EEFSEC: variants seen among roughly 807,000 people sequenced by gnomAD.
EEFSEC encodes selenocysteine-specific elongation factor.
In EEFSEC, 43 loss-of-function variants were observed where a neutral mutation model predicts 42.1. The ratio of observed to expected loss-of-function variants is 1.02; its 90% CI spans 0.80 to 1.32. The LOEUF (loss-of-function observed/expected upper bound fraction) is 1.32, where lower values mean the gene tolerates loss of function less well. Ranked by LOEUF, EEFSEC falls within the 40% of genes most tolerant of loss-of-function variation. EEFSEC has a pLI of 0.00. For missense variants in EEFSEC, 745 were observed against 803.6 expected, an observed-to-expected ratio of 0.93 and a Z score of 0.88; for synonymous variants, 354 against 339.1, an observed-to-expected ratio of 1.04 and a Z score of -0.48.
intron 1 of EEFSEC, among the ~76,000 whole-genome samples, chr3:128,198,196 A>C (rs1377297895): frequency 6.6e-6 from 1 of 152,212 alleles, no homozygotes; most frequent in African/African-American, 2.4e-5. Flanking sequence ...TGCCTCCAGC[A>C]ATCATTTGAA....
intron 4 of EEFSEC, among the ~76,000 whole-genome samples, chr3:128,333,224 A>G (rs925052013): frequency 1.3e-5 from 2 of 152,242 alleles, no homozygotes; most frequent in African/African-American, 2.4e-5. Context: ...ATCTCTGCAC[A>G]TTAGAAAGGC....
intron 1 of EEFSEC, among the ~76,000 whole-genome samples, chr3:128,211,126 A>G (rs2065751461): frequency 6.6e-6 from 1 of 152,232 alleles, no homozygotes; most frequent in Non-Finnish European, 1.5e-5. Flanking sequence ...GTTTTGGAGG[A>G]CTAGAGATCA....
At chr3:128,333,649 G>A (rs1156395332) in intron 4 of EEFSEC, among the ~76,000 whole-genome samples, 4 of 152,068 alleles carry the variant, frequency 2.6e-5, no homozygotes, top group Admixed American at 1.3e-4. Flanking sequence ...CTTCCATATC[G>A]GCCCTGTGGT....
intron 4 of EEFSEC, among the ~76,000 whole-genome samples, chr3:128,319,180 A>T (rs2066980668): frequency 6.6e-6 from 1 of 151,842 alleles, no homozygotes; most frequent in African/African-American, 2.4e-5. Context: ...CCCCCCTCCA[A>T]CCCCTTGTCC....
At chr3:128,311,604 C>T (rs2066890792) in intron 4 of EEFSEC, among the ~76,000 whole-genome samples, 1 of 152,226 alleles carries the variant, frequency 6.6e-6, no homozygotes, top group Non-Finnish European at 1.5e-5. Flanking sequence ...TAGTTTGGTT[C>T]CCTGTCCAGC....
At chr3:128,173,983 A>G (rs1576517865) in intron 1 of EEFSEC, among the ~76,000 whole-genome samples, 2 of 152,298 alleles carry the variant, frequency 1.3e-5, no homozygotes, top group African/African-American at 4.8e-5. Flanking sequence ...GCATTCTCGC[A>G]CAGATAAGTG....
chr3:128,291,742 T>C (rs1055723282), intron 4 of EEFSEC, among the ~76,000 whole-genome samples: 1 of 152,242 alleles, frequency 6.6e-6, no homozygotes, highest in East Asian at 1.9e-4. Context: ...TTATGATATC[T>C]GGAAATAATT....
intron 1 of EEFSEC, among the ~76,000 whole-genome samples, chr3:128,226,201 G>GC (rs1411794743): frequency 6.6e-6 from 1 of 152,174 alleles, no homozygotes; most frequent in Non-Finnish European, 1.5e-5. Context: ...AGGCCCAGGA[G>GC]CTTGACGAAG....
chr3:128,162,873 G>T (rs1051841374), intron 1 of EEFSEC, among the ~76,000 whole-genome samples: 3 of 152,104 alleles, frequency 2.0e-5, no homozygotes, highest in African/African-American at 7.2e-5. Flanking sequence ...CACAGCTTTC[G>T]GTAAAGCTGT....
At chr3:128,255,930 G>A (rs2066237557) in intron 2 of EEFSEC, among the ~76,000 whole-genome samples, 2 of 152,062 alleles carry the variant, frequency 1.3e-5, no homozygotes, top group African/African-American at 4.8e-5. Flanking sequence ...TTCCCTTCAG[G>A]TGCCTCTTCT....
chr3:128,277,367 C>G (rs2066479452), intron 4 of EEFSEC, among the ~76,000 whole-genome samples: 1 of 152,272 alleles, frequency 6.6e-6, no homozygotes, highest in Non-Finnish European at 1.5e-5. Flanking sequence ...AAGGCACTTG[C>G]CTGCTTTTCT....
intron 4 of EEFSEC, among the ~76,000 whole-genome samples, chr3:128,293,298 T>C (rs571013184): frequency 1.3e-5 from 2 of 152,192 alleles, no homozygotes; most frequent in South Asian, 2.1e-4. Flanking sequence ...TGTGGATGCA[T>C]AGAGAATCAG....
intron 6 of EEFSEC, among the ~76,000 whole-genome samples, chr3:128,389,065 G>C (rs2067876455): frequency 6.6e-6 from 1 of 152,236 alleles, no homozygotes; most frequent in Non-Finnish European, 1.5e-5. Flanking sequence ...CCAGGCAAGG[G>C]AGCCGGTGTG....
intron 1 of EEFSEC, among the ~76,000 whole-genome samples, chr3:128,164,336 G>A (rs1300853979): frequency 1.3e-5 from 2 of 152,224 alleles, no homozygotes; most frequent in Non-Finnish European, 2.9e-5. Flanking sequence ...GATGTGGAGT[G>A]GTAAGGGCTT....
At chr3:128,185,623 A>G (rs867313394) in intron 1 of EEFSEC, among the ~76,000 whole-genome samples, 1 of 152,076 alleles carries the variant, frequency 6.6e-6, no homozygotes, top group Non-Finnish European at 1.5e-5. Context: ...GTGCAGTGGT[A>G]TGATCATAGC....
intron 4 of EEFSEC, among the ~76,000 whole-genome samples, chr3:128,321,152 G>C (rs2067003814): frequency 6.6e-6 from 1 of 152,198 alleles, no homozygotes; most frequent in Middle Eastern, 3.2e-3. Flanking sequence ...GGGAGAGGCA[G>C]GGTCAGGCAG....
At chr3:128,209,481 G>GT (rs1301086513) in intron 1 of EEFSEC, among the ~76,000 whole-genome samples, 1 of 152,194 alleles carries the variant, frequency 6.6e-6, no homozygotes, top group Admixed American at 6.5e-5. Flanking sequence ...TGGGTGCTAG[G>GT]TAAGGCTAGG....
chr3:128,401,370 G>A (rs754537680), intron 6 of EEFSEC, among the ~76,000 whole-genome samples: 34 of 152,342 alleles, frequency 2.2e-4, no homozygotes, highest in Admixed American at 1.5e-3. Context: ...CCCTGAGCCC[G>A]TGTGCTAGGC....
intron 4 of EEFSEC, among the ~76,000 whole-genome samples, chr3:128,268,212 T>A (rs541498303): frequency 6.6e-6 from 1 of 152,312 alleles, no homozygotes; most frequent in South Asian, 2.1e-4. Context: ...TTTTGGAATG[T>A]TAGAAGTAGG....
Sources: allele counts gnomAD v4.1 joint callset (sites outside exome capture counted in the v4.1 genomes callset), GRCh38; gene constraint gnomAD v4.1.1; transcripts MANE v1.5; gene names NCBI Gene and HGNC (gene_info 2026-07-23, HGNC 2026-07-21).